Variants in PPFIA2 observed in about 807,000 individuals in gnomAD.
The protein encoded by PPFIA2 is PPFI scaffold protein A2.
PPFIA2 carries 46 observed loss-of-function variants against 175.5 expected under a neutral mutation model. The observed-to-expected ratio is 0.26, with a 90% confidence interval of 0.21 to 0.34. The LOEUF is 0.34. Among genes scored for constraint, PPFIA2 ranks in the 10% least tolerant of loss-of-function variants. The pLI is 1.00. For missense variants in PPFIA2, 1,179 were observed against 1,506.1 expected (o/e 0.78, Z 3.60); for synonymous variants, 568 against 511.4 (o/e 1.11, Z -1.49).
intron 4 of PPFIA2, among the ~76,000 whole-genome samples, chr12:81,525,770 A>C (rs1479665990): frequency 6.6e-6 from 1 of 152,206 alleles, no homozygotes; most frequent in Non-Finnish European, 1.5e-5. Flanking sequence ...ACTCCATTAC[A>C]ACACTGGACA....
At chr12:81,692,897 T>G (rs2075422298) in intron 3 of PPFIA2, among the ~76,000 whole-genome samples, 1 of 152,138 alleles carries the variant, frequency 6.6e-6, no homozygotes, top group Non-Finnish European at 1.5e-5. Context: ...TCAATAAAGA[T>G]ATAAAATTCT....
intron 22 of PPFIA2, among the ~76,000 whole-genome samples, chr12:81,306,243 A>C (rs2049114946): frequency 1.3e-5 from 2 of 152,028 alleles, no homozygotes; most frequent in South Asian, 4.1e-4. Context: ...TCTGCCTGGA[A>C]GATAAACTTT....
intron 11 of PPFIA2, among the ~76,000 whole-genome samples, chr12:81,373,270 A>C (rs1178078328): frequency 6.6e-6 from 1 of 151,888 alleles, no homozygotes; most frequent in Non-Finnish European, 1.5e-5. Context: ...CTAACCCCCC[A>C]AAACAGTGCA....
intron 4 of PPFIA2, among the ~76,000 whole-genome samples, chr12:81,630,550 C>T (rs1327122586): frequency 6.6e-6 from 1 of 152,172 alleles, no homozygotes; most frequent in Non-Finnish European, 1.5e-5. Flanking sequence ...ATCACACTTT[C>T]TTATTATCAT....
chr12:81,405,793 A>G lies in PPFIA2; in HGVS notation c.756T>C (p.His252=). 2.6e-6 allele frequency: 4 copies of G among 1,551,516 alleles called. No individual in the cohort carries two copies. The South Asian group carries it at 3.6e-5, about 14-fold the overall frequency. Residue 252 remains histidine, a synonymous_variant, in exon 8 of 33, where the codon CAT becomes CAC. Transcript: ENST00000549396. ...LEGMEPGQKV[H]EKRLSNGSID... ...CATGTGGGGTGTGTCATACCTTCTC[A>G]TGGACTTTCTGTCCAGGTTCCATCC... is the stretch of plus-strand genomic sequence containing the variant.
At chr12:81,430,453 A>T (rs773157475) in intron 7 of PPFIA2, 2 of 152,042 alleles carry the variant, frequency 1.3e-5, no homozygotes, top group Non-Finnish European at 2.9e-5. Flanking sequence ...TATAAGTGAA[A>T]TCATTTCATA....
At chr12:81,744,734 T>C (rs559103415) in intron 3 of PPFIA2, among the ~76,000 whole-genome samples, 1 of 152,316 alleles carries the variant, frequency 6.6e-6, no homozygotes, top group East Asian at 1.9e-4. Context: ...CCACAAGAAA[T>C]GCTTTCTATT....
chr12:81,315,184 T>A (rs1034552129), intron 22 of PPFIA2, among the ~76,000 whole-genome samples: 59 of 151,640 alleles, frequency 3.9e-4, no homozygotes. Context: ...CTAACAAGAG[T>A]TGCAGAGAGT....
At position 81,754,243 on chromosome 12, in the gene PPFIA2, A is replaced by G. The variant is rs558176589; in HGVS notation, c.-2-20T>C. ...TCATTGCTTAAAGAAAGTAAGTGGG[A>G]AGGAGTCTTAGTAAAGAAATGATTT... On this transcript the variant is annotated intron_variant, in intron 2 of 32. Coordinates refer to ENST00000549396, the MANE Select transcript of PPFIA2 (RefSeq NM_003625.5). The G allele has an allele frequency of 6.4e-6, 10 of 1,572,392 alleles. No individual in the cohort carries two copies. The highest frequency in any genetic ancestry group is 4.0e-5 in the African/African-American group (3 of 74,304).
intron 4 of PPFIA2, among the ~76,000 whole-genome samples, chr12:81,642,155 A>G (rs1358058794): frequency 6.6e-6 from 1 of 152,126 alleles, no homozygotes. Context: ...TTTCAACTAT[A>G]TGATTTCAAT....
chr12:81,312,333 C>T, intron 22 of PPFIA2: 1 of 646,634 alleles, frequency 1.5e-6, no homozygotes, highest in South Asian at 2.0e-5. Flanking sequence ...TTCATCATGA[C>T]ACACATACTC....
intron 17 of PPFIA2, among the ~76,000 whole-genome samples, chr12:81,350,950 A>G (rs950590360): frequency 8.5e-5 from 13 of 152,204 alleles, no homozygotes; most frequent in Non-Finnish European, 1.9e-4. Context: ...CACCCATTGA[A>G]AAAACAAGTT....
chr12:81,307,632 ATC>A (rs10587205), intron 22 of PPFIA2, among the ~76,000 whole-genome samples: 75,807 of 151,578 alleles, frequency 0.5, 21,040 homozygotes, highest in Middle Eastern at 0.66. Context: ...GGCTCCTAGA[ATC>A]TCTCTATCTC....
chr12:81,599,989 T>C (rs989633012), intron 4 of PPFIA2, among the ~76,000 whole-genome samples: 1 of 151,986 alleles, frequency 6.6e-6, no homozygotes, highest in African/African-American at 2.4e-5. Flanking sequence ...ATAACATTAT[T>C]AATGATGTCA....
intron 4 of PPFIA2, among the ~76,000 whole-genome samples, chr12:81,572,265 A>T (rs544599845): frequency 6.6e-6 from 1 of 152,052 alleles, no homozygotes; most frequent in African/African-American, 2.4e-5. Context: ...TCAGGTCTCA[A>T]CTCAAAAGTC....
chr12:81,756,159 T>C (rs1234871079), intron 2 of PPFIA2, among the ~76,000 whole-genome samples: 1 of 152,166 alleles, frequency 6.6e-6, no homozygotes, highest in Non-Finnish European at 1.5e-5. Flanking sequence ...ATATGTTTAC[T>C]TTTGACATTT....
At chr12:81,300,973 A>AAATAC (rs1224204811) in intron 22 of PPFIA2, among the ~76,000 whole-genome samples, 3 of 151,974 alleles carry the variant, frequency 2.0e-5, no homozygotes, top group South Asian at 2.1e-4. Context: ...AACTGTCTGA[A>AAATAC]AATACAATAC....
intron 7 of PPFIA2, among the ~76,000 whole-genome samples, chr12:81,409,064 A>G (rs1339033910): frequency 3.3e-5 from 5 of 152,172 alleles, no homozygotes; most frequent in Non-Finnish European, 5.9e-5. Context: ...AAATAACTGG[A>G]GCCTAAGGTA....
At chr12:81,516,626 C>T (rs1227758508) in intron 4 of PPFIA2, among the ~76,000 whole-genome samples, 2 of 152,108 alleles carry the variant, frequency 1.3e-5, no homozygotes, top group African/African-American at 2.4e-5. Context: ...AGGTCATCTA[C>T]AACACAAGGA....
Sources: allele counts gnomAD v4.1 joint callset (sites outside exome capture counted in the v4.1 genomes callset), GRCh38; gene constraint gnomAD v4.1.1; transcripts MANE v1.5; gene names NCBI Gene and HGNC (gene_info 2026-07-23, HGNC 2026-07-21).